ACBD3: variants seen among roughly 807,000 people sequenced by gnomAD.
ACBD3 encodes acyl-CoA binding domain containing 3.
ACBD3 carries 30 observed loss-of-function variants against 66.9 expected under a neutral mutation model. The ratio of observed to expected loss-of-function variants is 0.45; its 90% CI spans 0.34 to 0.61. The LOEUF (loss-of-function observed/expected upper bound fraction) is 0.61, where lower values mean the gene tolerates loss of function less well. ACBD3 is among the 20% of genes least tolerant of loss of function. ACBD3 has a pLI of 0.02. For synonymous variants in ACBD3, 278 were observed against 259.8 expected (o/e 1.07, Z -0.68); for missense variants, 544 against 664.5 (o/e 0.82, Z 1.99).
intron 3 of ACBD3, among the ~76,000 whole-genome samples, chr1:226,164,024 G>A (rs1659820016): frequency 6.7e-6 from 1 of 150,284 alleles, no homozygotes; most frequent in Admixed American, 6.7e-5. Flanking sequence ...TACTCGGGAG[G>A]CTGAGGCAGG....
Position 226,186,419 on chromosome 1 carries a change from A to C in ACBD3, c.257T>G (p.Leu86Trp). The C allele has an allele frequency of 6.6e-7, 1 of 1,524,580 alleles. No homozygotes were observed. Among genetic ancestry groups the C allele is most frequent in the Non-Finnish European group, 8.8e-7 (1 of 1,137,230 alleles). The allele number at this position is 1,524,580 out of a possible 1,614,324, so 94.4% of individuals were successfully genotyped here. A position where few individuals can be genotyped will look rare whatever the true frequency, so the allele number is the denominator to read the frequency against. The change falls in exon 1 of 8, where the codon TTG becomes TGG. Residue 86 changes from leucine to tryptophan, a missense_variant. Transcript: ENST00000366812. Reference sequence around the variant, plus strand: ...GAAGAAGCGCAGTGCCAGGCCGTACAACTCCTCCAGGCCGAAACCCCAGCG... The same window carrying C: ...GAAGAAGCGCAGTGCCAGGCCGTACCACTCCTCCAGGCCGAAACCCCAGCG... The part of the protein sequence containing the change: ...EQRWGFGLEE[L>W]YGLALRFFKE...
intron 1 of ACBD3, among the ~76,000 whole-genome samples, chr1:226,183,941 C>G (rs1656234048): frequency 6.6e-6 from 1 of 150,816 alleles, no homozygotes; most frequent in Admixed American, 6.6e-5. Context: ...CCTGTAATCC[C>G]AGCACTTTGG....
chr1:226,164,943 C>A lies in ACBD3; in HGVS notation c.429-14G>T. 6.5e-7 allele frequency: 1 copy of A among 1,530,148 alleles called. No individual in the cohort carries two copies. The highest frequency in any genetic ancestry group is 1.3e-5 in the South Asian group (1 of 75,010). The allele number at this position is 1,530,148 out of a possible 1,614,324, so 94.8% of individuals were successfully genotyped here. A position where few individuals can be genotyped will look rare whatever the true frequency, so the allele number is the denominator to read the frequency against. ...GCCCATTCTCTCCTGTAAGGAATAA[C>A]AAGAAAAGTTACCTCCCCTTCTTAG... is the stretch of plus-strand genomic sequence containing the variant. On this transcript the variant is annotated splice_polypyrimidine_tract_variant and intron_variant, in intron 2 of 7. Transcript: ENST00000366812.
chr1:226,154,432 T>C (rs924480323), intron 6 of ACBD3, among the ~76,000 whole-genome samples: 3 of 152,136 alleles, frequency 2.0e-5, no homozygotes, highest in Non-Finnish European at 4.4e-5. Flanking sequence ...AACATAACTT[T>C]TGTCTTAAAA....
chr1:226,165,216 A>G (rs1468898177), intron 2 of ACBD3, among the ~76,000 whole-genome samples: 23 of 151,630 alleles, frequency 1.5e-4, no homozygotes, highest in African/African-American at 5.1e-4. Flanking sequence ...TGTTGCCCAG[A>G]CTGGAGTGCA....
intron 1 of ACBD3, among the ~76,000 whole-genome samples, chr1:226,173,582 C>CA (rs1340212975): frequency 6.1e-4 from 91 of 148,664 alleles, no homozygotes; most frequent in African/African-American, 1.6e-3. Context: ...TTCTAAGCTT[C>CA]AGAAAAAAAA....
At chr1:226,184,000 G>A (rs949926669) in intron 1 of ACBD3, among the ~76,000 whole-genome samples, 5 of 151,060 alleles carry the variant, frequency 3.3e-5, no homozygotes, top group Admixed American at 2.0e-4. Context: ...GACCATCCTG[G>A]CTAACACGGT....
intron 1 of ACBD3, among the ~76,000 whole-genome samples, chr1:226,183,973 C>T (rs578045870): frequency 2.8e-4 from 43 of 150,924 alleles, no homozygotes; most frequent in African/African-American, 8.5e-4. Context: ...AGGAGGATCA[C>T]GAGGTCAGGA....
At chr1:226,156,224 T>C (rs938277554) in intron 5 of ACBD3, among the ~76,000 whole-genome samples, 7 of 152,230 alleles carry the variant, frequency 4.6e-5, no homozygotes, top group Non-Finnish European at 1.0e-4. Context: ...TATAACACTA[T>C]AGATTTGCTT....
chr1:226,169,149 C>T (rs1659934275), intron 1 of ACBD3, among the ~76,000 whole-genome samples: 1 of 152,184 alleles, frequency 6.6e-6, no homozygotes, highest in Non-Finnish European at 1.5e-5. Flanking sequence ...AGGCGTGAGC[C>T]ACTGTGCCCA....
At chr1:226,185,686 G>C (rs1014738397) in intron 1 of ACBD3, among the ~76,000 whole-genome samples, 1 of 151,158 alleles carries the variant, frequency 6.6e-6, no homozygotes, top group African/African-American at 2.4e-5. Context: ...AATTAATTAT[G>C]CGAAAAGCAC....
At chr1:226,174,442 C>A (rs1655972098) in intron 1 of ACBD3, among the ~76,000 whole-genome samples, 1 of 152,116 alleles carries the variant, frequency 6.6e-6, no homozygotes, top group Non-Finnish European at 1.5e-5. Context: ...TGAAACCACA[C>A]TAAAAGGAAT....
chr1:226,173,035 G>C (rs2102786991), intron 1 of ACBD3, among the ~76,000 whole-genome samples: 1 of 152,190 alleles, frequency 6.6e-6, no homozygotes, highest in South Asian at 2.1e-4. Flanking sequence ...GAAAGCTAGG[G>C]CAGGTGGATT....
intron 3 of ACBD3, 25 bp downstream of exon 3, chr1:226,164,764 A>G (rs1315844894): frequency 1.2e-6 from 2 of 1,602,258 alleles, no homozygotes; most frequent in Non-Finnish European, 1.7e-6. Flanking sequence ...GCAGCAATAA[A>G]GTATTCCATG....
chr1:226,169,558 ATTTTTTTTTTTT>A (rs71168969), intron 1 of ACBD3, among the ~76,000 whole-genome samples: 1 of 52,316 alleles, frequency 1.9e-5, no homozygotes, highest in African/African-American at 9.7e-5. Flanking sequence ...CTGCCTGGCT[ATTTTTTTTTTTT>A]TTTTTTTTTT....
chr1:226,149,497 G>A (rs1440463654), intron 7 of ACBD3, among the ~76,000 whole-genome samples: 1 of 137,358 alleles, frequency 7.3e-6, no homozygotes, highest in Non-Finnish European at 1.5e-5. Flanking sequence ...AAAGTGCTGG[G>A]ATTACAGGTG....
chr1:226,159,145 ACTCT>A (rs746545849), intron 5 of ACBD3, 35 bp downstream of exon 5: 40 of 1,584,400 alleles, frequency 2.5e-5, no homozygotes, highest in Admixed American at 2.3e-4. Context: ...GAAACTAAAA[ACTCT>A]CTCTAAGGCT....
chr1:226,150,521 G>A (rs2102774054), intron 7 of ACBD3, among the ~76,000 whole-genome samples: 1 of 152,246 alleles, frequency 6.6e-6, no homozygotes. Context: ...TGGGATTACA[G>A]GCACCCACCA....
intron 4 of ACBD3, among the ~76,000 whole-genome samples, chr1:226,160,061 T>A (rs896188427): frequency 6.6e-6 from 1 of 151,906 alleles, no homozygotes; most frequent in Non-Finnish European, 1.5e-5. Context: ...TTAGAGATAC[T>A]CATATTCTTT....
Sources: gnomAD v4.1 joint callset for allele counts (sites outside exome capture counted in the v4.1 genomes callset) on GRCh38, gnomAD v4.1.1 for gene constraint, MANE v1.5 for transcripts, NCBI Gene and HGNC (gene_info 2026-07-23, HGNC 2026-07-21) for gene names.